DYSF: variants seen among roughly 807,000 people sequenced by gnomAD.
The protein encoded by DYSF is dystrophy-associated fer-1-like 1.
DYSF carries 212 observed loss-of-function variants against 274.9 expected under a neutral mutation model. That is an observed-to-expected ratio of 0.77 (90% CI 0.69 to 0.86). DYSF has a LOEUF of 0.86. DYSF is among the 40% of genes least tolerant of loss of function. The pLI, the probability that DYSF is intolerant of heterozygous loss-of-function variation, is 0.00. For synonymous variants in DYSF, 1,091 were observed against 1,078.7 expected (o/e 1.01, Z -0.22); for missense variants, 2,666 against 2,783.2 (o/e 0.96, Z 0.95).
intron 11 of DYSF, 104 bp from the exon 12 acceptor site, chr2:71,520,682 GGAT>G: frequency 3.3e-6 from 3 of 910,412 alleles, no homozygotes; most frequent in Non-Finnish European, 5.5e-6. Flanking sequence ...ATGGCCCAGC[GGAT>G]GAGTCCTTTA....
At chr2:71,520,640 C>T (rs1350427074) in intron 11 of DYSF, 149 bp from the exon 12 acceptor site, 1 of 725,916 alleles carries the variant, frequency 1.4e-6, no homozygotes, top group East Asian at 2.6e-5. Flanking sequence ...ACTCAAAGTA[C>T]CTTTTGATTC....
intron 36 of DYSF, among the ~76,000 whole-genome samples, chr2:71,606,401 C>T (rs1228289897): frequency 6.6e-6 from 1 of 152,090 alleles, no homozygotes; most frequent in Non-Finnish European, 1.5e-5. Flanking sequence ...CAGAGTCCTC[C>T]ATCAACCCTA....
chr2:71,463,090 A>G (rs1281957245), upstream of DYSF, among the ~76,000 whole-genome samples: 1 of 152,132 alleles, frequency 6.6e-6, no homozygotes, highest in African/African-American at 2.4e-5. Flanking sequence ...TGCCATCAAC[A>G]TGTCGTCTAG....
chr2:71,482,747 C>T (rs538520008), intron 3 of DYSF, among the ~76,000 whole-genome samples: 1 of 152,168 alleles, frequency 6.6e-6, no homozygotes, highest in Admixed American at 6.5e-5. Flanking sequence ...CATGATGAGC[C>T]TTAAGCATCA....
intron 3 of DYSF, among the ~76,000 whole-genome samples, chr2:71,497,399 G>A (rs762658274): frequency 6.6e-6 from 1 of 152,116 alleles, no homozygotes; most frequent in African/African-American, 2.4e-5. Context: ...TTGAATCATG[G>A]GGACAGTTAT....
intron 32 of DYSF, among the ~76,000 whole-genome samples, chr2:71,596,398 A>ACGGGG (rs1270855571): frequency 6.6e-6 from 1 of 152,210 alleles, no homozygotes; most frequent in African/African-American, 2.4e-5. Context: ...GTAGGGAAGC[A>ACGGGG]CGGGGCGGGG....
At chr2:71,574,021 G>A (rs975870001) in intron 29 of DYSF, among the ~76,000 whole-genome samples, 177 bp from the exon 30 acceptor site, 3 of 152,098 alleles carry the variant, frequency 2.0e-5, no homozygotes, top group Non-Finnish European at 4.4e-5. Context: ...GGGTTCCTGT[G>A]GCTGCAGAAA....
At chr2:71,490,092 C>T (rs74452026) in intron 3 of DYSF, among the ~76,000 whole-genome samples, 4,072 of 151,888 alleles carry the variant, frequency 0.027, 87 homozygotes, top group Non-Finnish European at 0.036. Flanking sequence ...GTGCATGGCC[C>T]GTATGGACAC....
chr2:71,641,379 C>T (rs1190130287), intron 41 of DYSF, among the ~76,000 whole-genome samples: 1 of 151,900 alleles, frequency 6.6e-6, no homozygotes, highest in Non-Finnish European at 1.5e-5. Context: ...CGGGGTTTCA[C>T]CGTGTTAGCC....
intron 7 of DYSF, among the ~76,000 whole-genome samples, chr2:71,514,876 C>A (rs568771551): frequency 9.9e-5 from 15 of 151,836 alleles, no homozygotes; most frequent in Non-Finnish European, 2.1e-4. Flanking sequence ...TTATTTTAGA[C>A]ACTTTGGAAA....
chr2:71,590,339 A>C (rs2093225007), intron 32 of DYSF, 51 bp downstream of exon 32: 1 of 1,601,150 alleles, frequency 6.2e-7, no homozygotes. Flanking sequence ...GAGATCTGGG[A>C]ATGGAGACAT....
chr2:71,638,438 G>T (rs4852818), intron 41 of DYSF, among the ~76,000 whole-genome samples: 45,149 of 150,760 alleles, frequency 0.3, 8,463 homozygotes, highest in African/African-American at 0.53. Flanking sequence ...ATTTTTCCAT[G>T]ACAGATTAGA....
chr2:71,660,712 G>T, intron 45 of DYSF, 61 bp downstream of exon 45: 1 of 1,427,264 alleles, frequency 7.0e-7, no homozygotes. Flanking sequence ...CCACAGTCTA[G>T]TGGGGGAGAT....
chr2:71,462,873 G>T (rs529668512), upstream of DYSF, among the ~76,000 whole-genome samples: 3 of 152,302 alleles, frequency 2.0e-5, no homozygotes, highest in Admixed American at 1.3e-4. Context: ...GATTTTATGG[G>T]CTCAGAAGGG....
chr2:71,633,253 G>T (rs1294291848), intron 41 of DYSF, among the ~76,000 whole-genome samples: 1 of 152,204 alleles, frequency 6.6e-6, no homozygotes, highest in Non-Finnish European at 1.5e-5. Flanking sequence ...TAGTTTTGAA[G>T]TCGGAGTATT....
In DYSF at chr2:71,560,421, C is replaced by CAGCACAGGGCTCCGGCCCAGGCCCCCCCT. The variant is rs1553548257; in HGVS notation, c.2217-1331_2217-1330insAGCACAGGGCTCCGGCCCAGGCCCCCCCT. ...TCAGGCCTGGTTCCCAGGCAGGCCC[C>CAGCACAGGGCTCCGGCCCAGGCCCCCCCT]CGCCCCGCTACCCACCGAGCATGCC... On this transcript the variant is annotated intron_variant, in intron 22 of 55. Transcript: ENST00000410020. 1.5e-3 allele frequency among the ~76,000 whole-genome samples: 234 copies of CAGCACAGGGCTCCGGCCCAGGCCCCCCCT among 151,630 alleles called. 1 individual carries two copies. Among genetic ancestry groups the CAGCACAGGGCTCCGGCCCAGGCCCCCCCT allele is most frequent in the African/African-American group, 5.6e-3 (229 of 41,120 alleles).
chr2:71,531,664 G>A (rs970875365), intron 14 of DYSF, among the ~76,000 whole-genome samples: 1 of 150,816 alleles, frequency 6.6e-6, no homozygotes, highest in African/African-American at 2.4e-5. Context: ...TCACATTTTT[G>A]TGCCTTTTCT....
intron 46 of DYSF, 82 bp from the exon 47 acceptor site, chr2:71,665,080 G>C: frequency 6.2e-7 from 1 of 1,600,334 alleles, no homozygotes; most frequent in Non-Finnish European, 8.5e-7. Context: ...CTGTACATGG[G>C]GGTACACCAG....
intron 36 of DYSF, among the ~76,000 whole-genome samples, chr2:71,609,763 G>A (rs952575975): frequency 6.6e-6 from 1 of 152,266 alleles, no homozygotes; most frequent in African/African-American, 2.4e-5. Flanking sequence ...GCACAGGAGT[G>A]TGGCTTGGGT....
Sources: allele counts gnomAD v4.1 joint callset (sites outside exome capture counted in the v4.1 genomes callset), GRCh38; gene constraint gnomAD v4.1.1; transcripts MANE v1.5; gene names NCBI Gene and HGNC (gene_info 2026-07-23, HGNC 2026-07-21).